Variants in RNF138 observed in about 807,000 individuals in gnomAD.
The protein encoded by RNF138 is ring finger protein 138, also known as E3 ubiquitin-protein ligase RNF138.
In RNF138, 12 loss-of-function variants were observed where a neutral mutation model predicts 31.0. That is an observed-to-expected ratio of 0.39 (90% CI 0.25 to 0.63). RNF138 has a LOEUF of 0.63. Ranked by LOEUF, RNF138 falls within the 20% of genes least tolerant of loss-of-function variation. The pLI, the probability that RNF138 is intolerant of heterozygous loss-of-function variation, is 0.52. For synonymous variants in RNF138, 105 were observed against 99.5 expected (o/e 1.06, Z -0.33); for missense variants, 192 against 300.1 (o/e 0.64, Z 2.66).
In RNF138 at chr18:32,113,850, G is replaced by A; in HGVS notation, c.382G>A (p.Val128Ile). 6.9e-7 allele frequency: 1 copy of A among 1,457,740 alleles called. No homozygotes were observed. The highest frequency in any genetic ancestry group is 1.7e-4 in the Middle Eastern group (1 of 5,756). The allele number at this position is 1,457,740 out of a possible 1,614,324, so 90.3% of individuals were successfully genotyped here. Residue 128 changes from valine (V) to isoleucine (I), a missense_variant, in exon 4 of 8, where the codon GTA (valine) becomes ATA (isoleucine). Coordinates refer to ENST00000261593, the MANE Select transcript of RNF138 (RefSeq NM_016271.5). The stretch of plus-strand genomic sequence containing the variant: ...AAACTTTCAGATCTCTCAAGATTCA[G>A]TAGGGAACAGGTAAGCAATACTTAT... ...IPNFQISQDSVGNSNRSETST... is the reference protein window; with the variant it reads ...IPNFQISQDSIGNSNRSETST...
chr18:32,107,703 A>G (rs909466606), intron 2 of RNF138, among the ~76,000 whole-genome samples: 2 of 147,716 alleles, frequency 1.4e-5, no homozygotes, highest in Non-Finnish European at 3.0e-5. Context: ...TGTATTAGTC[A>G]AGACGGGGTT....
intron 4 of RNF138, among the ~76,000 whole-genome samples, chr18:32,114,151 A>T (rs2040178280): frequency 6.6e-6 from 1 of 152,192 alleles, no homozygotes; most frequent in African/African-American, 2.4e-5. Flanking sequence ...TCTCTTACTG[A>T]TTTTGCAACT....
chr18:32,117,287 G>A (rs576903606), intron 4 of RNF138, among the ~76,000 whole-genome samples: 2 of 152,086 alleles, frequency 1.3e-5, no homozygotes, highest in Admixed American at 6.6e-5. Context: ...CTCTAATTAT[G>A]CGATTTGAGG....
intron 2 of RNF138, among the ~76,000 whole-genome samples, chr18:32,106,770 T>TA (rs1312253029): frequency 6.6e-6 from 1 of 152,016 alleles, no homozygotes; most frequent in Non-Finnish European, 1.5e-5. Flanking sequence ...TTCACCGTGT[T>TA]AGAGCCAGGA....
chr18:32,107,923 C>T (rs918964996), intron 2 of RNF138, among the ~76,000 whole-genome samples: 3 of 151,526 alleles, frequency 2.0e-5, no homozygotes, highest in African/African-American at 7.3e-5. Context: ...GGCGCGATCT[C>T]GGCTCACTGC....
chr18:32,093,206 C>G (rs995623348), intron 2 of RNF138, among the ~76,000 whole-genome samples: 2 of 152,168 alleles, frequency 1.3e-5, no homozygotes, highest in African/African-American at 2.4e-5. Context: ...GTCTTCAGGC[C>G]CCGGAGGCCC....
intron 2 of RNF138, among the ~76,000 whole-genome samples, chr18:32,100,480 T>A (rs2039913765): frequency 7.0e-6 from 1 of 143,162 alleles, no homozygotes; most frequent in Admixed American, 7.1e-5. Context: ...TTTTTTTTTT[T>A]TTTTTTTTTT....
At chr18:32,127,123 T>C (rs903521657) in intron 7 of RNF138, among the ~76,000 whole-genome samples, 8 of 152,162 alleles carry the variant, frequency 5.3e-5, no homozygotes, top group Admixed American at 5.2e-4. Context: ...GTAAAATTGG[T>C]ACAACATATG....
In RNF138 at chr18:32,103,944, G is replaced by A. The variant is rs372179990; in HGVS notation, c.111-7810G>A. On this transcript the variant is annotated intron_variant, in intron 2 of 7. Coordinates refer to ENST00000261593, the MANE Select transcript of RNF138 (RefSeq NM_016271.5). ...TGCGCCACTGCACTCCAGCCTGGGC[G>A]ACAGAGCAAGACTCCGTCTCAGAAA... Among the ~76,000 whole-genome samples the A allele has an allele frequency of 8.0e-5, 12 of 150,850 alleles. No homozygotes were observed. The South Asian group carries it at 1.0e-3, about 13-fold the overall frequency.
chr18:32,111,610 A>G (rs149991153), intron 2 of RNF138, 144 bp from the exon 3 acceptor site: 9,507 of 657,330 alleles, frequency 0.014, 104 homozygotes, highest in Middle Eastern at 0.031. Flanking sequence ...ATATACAGTT[A>G]CTAAACTTCT....
rs2040431820 is a variant in RNF138, at chr18:32,129,132, A to G, written c.683A>G (p.Asp228Gly). 1 of 1,609,506 alleles carries G rather than the reference A, an allele frequency of 6.2e-7. No homozygotes were observed. Reference sequence around the variant, plus strand: ...TATTGTTTTTAGAATCTTCAGCTAGATGAAGAAACCCAATACCAAACTGCT... The same window carrying G: ...TATTGTTTTTAGAATCTTCAGCTAGGTGAAGAAACCCAATACCAAACTGCT... ...DYGEFVNLQL[D>G]EETQYQTAVE... is the part of the protein sequence containing the mutation. Residue 228 changes from aspartate (D) to glycine (G), a missense_variant, in exon 8 of 8, where the codon GAT becomes GGT. Transcript: ENST00000261593.
intron 2 of RNF138, among the ~76,000 whole-genome samples, chr18:32,098,505 A>G (rs1333324378): frequency 3.3e-5 from 5 of 151,978 alleles, no homozygotes; most frequent in Admixed American, 6.6e-5. Context: ...TGCTCTAAGT[A>G]TATACTTTAA....
chr18:32,110,609 ATATT>A (rs2040111370), intron 2 of RNF138, among the ~76,000 whole-genome samples: 1 of 152,126 alleles, frequency 6.6e-6, no homozygotes, highest in African/African-American at 2.4e-5. Flanking sequence ...ATATTCATAT[ATATT>A]TATAGGAGAT....
intron 2 of RNF138, among the ~76,000 whole-genome samples, chr18:32,105,129 TC>T (rs1305238000): frequency 1.3e-5 from 2 of 152,210 alleles, no homozygotes; most frequent in Admixed American, 6.5e-5. Flanking sequence ...TCTCCCTCTG[TC>T]CCCCAGGCTG....
chr18:32,111,309 T>C (rs1370850600), intron 2 of RNF138, among the ~76,000 whole-genome samples: 2 of 152,240 alleles, frequency 1.3e-5, no homozygotes, highest in Non-Finnish European at 2.9e-5. Flanking sequence ...CATGTCGATA[T>C]ACATCAGTTT....
At chr18:32,109,160 T>TC (rs1051140363) in intron 2 of RNF138, among the ~76,000 whole-genome samples, 28 of 151,024 alleles carry the variant, frequency 1.9e-4, no homozygotes, top group East Asian at 1.4e-3. Context: ...TTTCTTTCTT[T>TC]TTTTTTTTTT....
At chr18:32,093,804 T>C (rs2039754169) in intron 2 of RNF138, among the ~76,000 whole-genome samples, 1 of 152,210 alleles carries the variant, frequency 6.6e-6, no homozygotes, top group Admixed American at 6.5e-5. Flanking sequence ...AGAGCCCTTG[T>C]TGAGAAGGTG....
At chr18:32,096,617 G>GA (rs139803536) in intron 2 of RNF138, among the ~76,000 whole-genome samples, 285 of 152,334 alleles carry the variant, frequency 1.9e-3, no homozygotes, top group African/African-American at 6.7e-3. Context: ...AGGATAGGAA[G>GA]AAAACCAGGA....
chr18:32,127,131 A>T (rs1904360455), intron 7 of RNF138, among the ~76,000 whole-genome samples: 1 of 152,188 alleles, frequency 6.6e-6, no homozygotes, highest in Admixed American at 6.5e-5. Context: ...GGTACAACAT[A>T]TGGAGGATGT....
Sources: gnomAD v4.1 joint callset for allele counts (sites outside exome capture counted in the v4.1 genomes callset) on GRCh38, gnomAD v4.1.1 for gene constraint, MANE v1.5 for transcripts, NCBI Gene and HGNC (gene_info 2026-07-23, HGNC 2026-07-21) for gene names.